The following OSBP variants were observed in gnomAD, a reference collection of about 807,000 sequenced individuals.
OSBP encodes oxysterol-binding protein 1.
A neutral mutation model predicts 96.6 loss-of-function variants in OSBP; 32 were observed. The ratio of observed to expected loss-of-function variants is 0.33; its 90% confidence interval spans 0.25 to 0.45. The LOEUF (loss-of-function observed/expected upper bound fraction) is 0.45, where lower values mean the gene tolerates loss of function less well. OSBP is among the 20% of genes least tolerant of loss of function. The probability of loss-of-function intolerance (pLI) is 1.00; values close to 1 mark genes in which losing one functional copy is unlikely to be tolerated. For missense variants in OSBP, 653 were observed against 1,029.7 expected, an observed-to-expected ratio of 0.63 and a Z score of 5.01; for synonymous variants, 369 against 389.6, an observed-to-expected ratio of 0.95 and a Z score of 0.62.
intron 9 of OSBP, among the ~76,000 whole-genome samples, chr11:59,587,453 G>C (rs1012592487): frequency 6.6e-6 from 1 of 151,200 alleles, no homozygotes; most frequent in African/African-American, 2.4e-5. Context: ...AGTGAGCCAA[G>C]ACTGCGCCAC....
chr11:59,587,770 C>T (rs1017722176), intron 9 of OSBP, among the ~76,000 whole-genome samples: 4 of 152,138 alleles, frequency 2.6e-5, no homozygotes, highest in African/African-American at 9.7e-5. Flanking sequence ...GTAGTTTGCT[C>T]AAAAAACTAA....
At chr11:59,612,010 A>G (rs1860855213) in intron 1 of OSBP, among the ~76,000 whole-genome samples, 1 of 152,248 alleles carries the variant, frequency 6.6e-6, no homozygotes, top group South Asian at 2.1e-4. Flanking sequence ...ACAGAGGTCA[A>G]AGTCCTTTGC....
rs766439247 is a variant in OSBP, at chr11:59,593,731, G to T, written c.1558-7C>A. The T allele has an allele frequency of 3.1e-6, 5 of 1,613,818 alleles. No homozygotes were observed. In the South Asian group the frequency reaches 4.4e-5, roughly 14 times the overall value. On this transcript the variant is annotated splice_region_variant and splice_polypyrimidine_tract_variant and intron_variant, in intron 8 of 13. Coordinates refer to ENST00000263847, the MANE Select transcript of OSBP (RefSeq NM_002556.3). ...CAGGGGGATGATGACTCACCTTGAA[G>T]AAATCAGGTTCAAATTAAGACGGCA...
chr11:59,601,414 C>G (rs760431274), intron 4 of OSBP, 29 bp from the exon 5 acceptor site: 1 of 1,492,520 alleles, frequency 6.7e-7, no homozygotes, highest in Non-Finnish European at 9.3e-7. Context: ...CATTTGTTGA[C>G]TTTGGTTATC....
In OSBP at chr11:59,584,879, T is replaced by C. The variant is rs190106867; in HGVS notation, c.1679-3325A>G. 5.0e-4 allele frequency among the ~76,000 whole-genome samples: 76 copies of C among 152,156 alleles called. 1 individual carries two copies. Among genetic ancestry groups the C allele is most frequent in the African/African-American group, 1.8e-3 (73 of 41,510 alleles). Reference sequence around the variant, plus strand: ...CTGTGTTTGCAGATATGATCTCATATGTGAACATGCTAAGAATTCCACCAA... The same window carrying C: ...CTGTGTTTGCAGATATGATCTCATACGTGAACATGCTAAGAATTCCACCAA... On this transcript the variant is annotated intron_variant, in intron 9 of 13. Coordinates refer to ENST00000263847, the MANE Select transcript of OSBP (RefSeq NM_002556.3).
intron 11 of OSBP, 142 bp downstream of exon 11, chr11:59,580,032 A>G: frequency 1.5e-6 from 1 of 659,988 alleles, no homozygotes; most frequent in East Asian, 2.8e-5. Context: ...ACTTTTTTTG[A>G]ATCACTATAT....
In OSBP at chr11:59,576,301, G is replaced by T; in HGVS notation, c.*276C>A. 1 of 351,980 alleles carries T rather than the reference G, an allele frequency of 2.8e-6. No individual in the cohort carries two copies. Among genetic ancestry groups the T allele is most frequent in the Non-Finnish European group, 5.1e-6 (1 of 195,716 alleles). The allele number at this position is 351,980 out of a possible 1,614,324, so 21.8% of individuals were successfully genotyped here. On this transcript the variant is annotated 3_prime_UTR_variant, in exon 14 of 14. Transcript: ENST00000263847. ...GGAGAAAGAAGAGCCAAGAATACTT[G>T]ACTTCGTGGATGTGGAATAACACTA...
intron 9 of OSBP, among the ~76,000 whole-genome samples, chr11:59,583,951 T>G (rs1036600176): frequency 2.7e-5 from 4 of 148,132 alleles, no homozygotes; most frequent in African/African-American, 1.0e-4. Context: ...TTTTTTTTTT[T>G]TTTTTTTTTT....
intron 9 of OSBP, among the ~76,000 whole-genome samples, chr11:59,589,534 G>A (rs548788426): frequency 6.6e-6 from 1 of 151,868 alleles, no homozygotes; most frequent in South Asian, 2.1e-4. Flanking sequence ...CTGGGAGGCG[G>A]AGGTTGCAAT....
intron 9 of OSBP, among the ~76,000 whole-genome samples, chr11:59,591,803 T>C (rs888808330): frequency 2.6e-5 from 4 of 152,004 alleles, no homozygotes; most frequent in Non-Finnish European, 5.9e-5. Flanking sequence ...GTATTTTTAG[T>C]AGAGACGGGG....
rs753154427 is a variant in OSBP at position 59,601,753 on chromosome 11, C to A, written c.908G>T (p.Arg303Leu). The change falls in exon 4 of 14, where the codon CGA becomes CTA. Residue 303 changes from arginine (R) to leucine (L), a missense_variant. Transcript: ENST00000263847. ...SLQYERDQRI[R>L]LEETLEQLAK... ...CAGCTGCTCGAGGGTTTCTTCCAGT[C>A]GGATACGCTGGTCTCTTTCATACTG... The A allele has an allele frequency of 6.2e-7, 1 of 1,614,136 alleles. No homozygotes were observed. The highest frequency in any genetic ancestry group is 8.5e-7 in the Non-Finnish European group (1 of 1,180,012).
rs76285678 is a variant in OSBP at position 59,592,262 on chromosome 11, G to C, written c.1678+1342C>G. ...TATCACTTAGTCTCCTTTTCGTTTA[G>C]GGACCTTCTGCATATTAACCATGAA... On this transcript the variant is annotated intron_variant, in intron 9 of 13. Transcript: ENST00000263847. Among the ~76,000 whole-genome samples the C allele has an allele frequency of 1.8e-3, 278 of 152,268 alleles. 3 individuals are homozygous for C. In the East Asian group the frequency reaches 0.045, roughly 25 times the overall value.
Position 59,587,522 on chromosome 11 carries a change from G to A in OSBP, c.1679-5968C>T, listed in dbSNP as rs151303420. Among the ~76,000 whole-genome samples, 149 of 151,714 alleles carry A rather than the reference G, an allele frequency of 9.8e-4. 2 individuals carry two copies. The highest frequency in any genetic ancestry group is 2.9e-3 in the African/African-American group (122 of 41,388). ...ATGTCAAAAAAAAAAAAAGAAAAAG[G>A]GCAAAGGACTTGAATAGGTATTCCT... On this transcript the variant is annotated intron_variant, in intron 9 of 13. Transcript: ENST00000263847.
chr11:59,579,458 C>T (rs562231132), intron 11 of OSBP, among the ~76,000 whole-genome samples: 1 of 151,504 alleles, frequency 6.6e-6, no homozygotes, highest in African/African-American at 2.4e-5. Flanking sequence ...CTCAGCCTCC[C>T]GAGTAGCTGG....
chr11:59,578,241 C>G lies in OSBP; in HGVS notation c.1968G>C (p.Gln656His), dbSNP rs774089477. 6.2e-7 allele frequency: 1 copy of G among 1,614,158 alleles called. No homozygotes were observed. Among genetic ancestry groups the G allele is most frequent in the Non-Finnish European group, 8.5e-7 (1 of 1,180,028 alleles). Residue 656 changes from glutamine to histidine, a missense_variant, in exon 12 of 14, where the codon CAG becomes CAC. Physicochemically the swap from Gln to His is conservative, Grantham distance 24. Coordinates refer to ENST00000263847, the MANE Select transcript of OSBP (RefSeq NM_002556.3). ...CACCCCCATTTTCCCCAATGACTGG[C>G]TGTACTTTGAAACATTCCATTTTCT... ...WDEKMECFKV[Q>H]PVIGENGGDA... is the part of the protein sequence containing the mutation.
rs1197001497 is a variant in OSBP at position 59,615,362 on chromosome 11, A to G, written c.303T>C (p.Tyr101=). 1 of 1,605,398 alleles carries G rather than the reference A, an allele frequency of 6.2e-7. No individual in the cohort carries two copies. Among genetic ancestry groups the G allele is most frequent in the East Asian group, 2.2e-5 (1 of 44,498 alleles). ...ACCATCGCCGCTGGTAGCCTTTGAT[A>G]TAATTGGTCCATTTGAAGAGCCAGC... ...REGWLFKWTN[Y]IKGYQRRWFV... Residue 101 remains tyrosine, a synonymous_variant, in exon 1 of 14, where the codon TAT becomes TAC. Transcript: ENST00000263847.
chr11:59,601,249 T>C, intron 5 of OSBP, 34 bp downstream of exon 5: 1 of 1,182,526 alleles, frequency 8.5e-7, no homozygotes, highest in Non-Finnish European at 1.3e-6. Flanking sequence ...GGTGAAGATA[T>C]GTTTATTTGC....
Position 59,576,495 on chromosome 11 carries a change from A to G in OSBP, c.*82T>C. ...GACAAACTTGAGGAAAGCACTTGGT[A>G]AGAGAGTCACAACTTCCAGCTTTCC... On this transcript the variant is annotated 3_prime_UTR_variant, in exon 14 of 14. Coordinates refer to ENST00000263847, the MANE Select transcript of OSBP (RefSeq NM_002556.3). 1.4e-6 allele frequency: 2 copies of G among 1,452,880 alleles called. No individual in the cohort carries two copies. Among genetic ancestry groups the G allele is most frequent in the Non-Finnish European group, 1.9e-6 (2 of 1,068,218 alleles). The allele number at this position is 1,452,880 out of a possible 1,614,324, so 90.0% of individuals were successfully genotyped here. A position where few individuals can be genotyped will look rare whatever the true frequency, so the allele number is the denominator to read the frequency against.
At chr11:59,583,575 T>A (rs973480880) in intron 9 of OSBP, among the ~76,000 whole-genome samples, 3 of 151,940 alleles carry the variant, frequency 2.0e-5, no homozygotes, top group Non-Finnish European at 4.4e-5. Flanking sequence ...CATTATTTCA[T>A]TTAATATTCA....
Sources: gnomAD v4.1 joint callset for allele counts (sites outside exome capture counted in the v4.1 genomes callset) on GRCh38, gnomAD v4.1.1 for gene constraint, MANE v1.5 for transcripts, NCBI Gene and HGNC (gene_info 2026-07-23, HGNC 2026-07-21) for gene names.